The following CSMD3 variants were observed in gnomAD, a reference collection of about 807,000 sequenced individuals.
CSMD3 encodes the protein CUB and Sushi multiple domains 3, also known as CUB and sushi domain-containing protein 3.
A neutral mutation model predicts 435.2 loss-of-function variants in CSMD3; 177 were observed. The ratio of observed to expected loss-of-function variants is 0.41; its 90% CI spans 0.36 to 0.46. The LOEUF is 0.46. Among genes scored for constraint, CSMD3 ranks in the 20% least tolerant of loss-of-function variants. The pLI is 0.34. For synonymous variants in CSMD3, 1,656 were observed against 1,520.5 expected, an observed-to-expected ratio of 1.09 and a Z score of -2.07; for missense variants, 4,265 against 4,504.6, an observed-to-expected ratio of 0.95 and a Z score of 1.52.
chr8:113,280,671 C>A (rs774516167), intron 2 of CSMD3, among the ~76,000 whole-genome samples: 11 of 151,766 alleles, frequency 7.2e-5, no homozygotes, highest in Non-Finnish European at 1.2e-4. Context: ...CTGCTCTGAT[C>A]TTGGTTATTT....
chr8:113,317,267 C>T (rs1231051295), intron 1 of CSMD3, among the ~76,000 whole-genome samples: 1 of 152,118 alleles, frequency 6.6e-6, no homozygotes, highest in African/African-American at 2.4e-5. Flanking sequence ...TTAGCTATCA[C>T]CCATTTCTAT....
In CSMD3 at chr8:112,765,008, T is replaced by C. The variant is rs190913229; in HGVS notation, c.1972+35154A>G. ...AGAAACAAAATATTTCTGGTGCACA[T>C]AGTGAATGAGAGGTAAGAGGAAAAA... On this transcript the variant is annotated intron_variant, in intron 13 of 70. Transcript: ENST00000297405. 2.0e-5 allele frequency among the ~76,000 whole-genome samples: 3 copies of C among 151,370 alleles called. No individual in the cohort carries two copies. In the East Asian group the frequency reaches 5.8e-4, roughly 29 times the overall value.
intron 3 of CSMD3, among the ~76,000 whole-genome samples, chr8:113,179,873 T>TA (rs1220095635): frequency 2.6e-5 from 4 of 151,532 alleles, no homozygotes; most frequent in Non-Finnish European, 4.4e-5. Flanking sequence ...TCTCATTCTT[T>TA]AAAAAAAATA....
intron 5 of CSMD3, among the ~76,000 whole-genome samples, chr8:113,024,149 A>G (rs1216710491): frequency 6.6e-6 from 1 of 152,104 alleles, no homozygotes; most frequent in Non-Finnish European, 1.5e-5. Flanking sequence ...TAGATTCTGA[A>G]TATGGGTGAG....
At chr8:113,242,451 ATTG>A (rs897292552) in intron 3 of CSMD3, among the ~76,000 whole-genome samples, 115 of 152,078 alleles carry the variant, frequency 7.6e-4, no homozygotes, top group Admixed American at 3.7e-3. Context: ...ATAGACTAAA[ATTG>A]TTGTGGGCAG....
At chr8:112,407,055 T>G (rs1293189583) in intron 34 of CSMD3, among the ~76,000 whole-genome samples, 1 of 151,676 alleles carries the variant, frequency 6.6e-6, no homozygotes, top group Admixed American at 6.6e-5. Flanking sequence ...AAACTGAAAG[T>G]TTTTTTTCTT....
chr8:112,726,575 G>T (rs2076969226), intron 13 of CSMD3, among the ~76,000 whole-genome samples: 1 of 151,826 alleles, frequency 6.6e-6, no homozygotes, highest in Non-Finnish European at 1.5e-5. Context: ...AGTGTTAGGT[G>T]CATAGTATAC....
At chr8:112,651,816 G>A (rs1244161949) in intron 18 of CSMD3, among the ~76,000 whole-genome samples, 3 of 151,978 alleles carry the variant, frequency 2.0e-5, no homozygotes, top group Admixed American at 6.6e-5. Context: ...GATTACAGGC[G>A]TGAGTCACTG....
intron 3 of CSMD3, among the ~76,000 whole-genome samples, chr8:113,276,865 T>A (rs2093575178): frequency 6.6e-6 from 1 of 151,990 alleles, no homozygotes; most frequent in Non-Finnish European, 1.5e-5. Flanking sequence ...CAAACATACA[T>A]TTAAATGTCA....
chr8:113,105,968 A>G (rs930585258), intron 4 of CSMD3, among the ~76,000 whole-genome samples: 1 of 152,138 alleles, frequency 6.6e-6, no homozygotes, highest in Non-Finnish European at 1.5e-5. Flanking sequence ...ACCAAAACAT[A>G]TGGAGATGAT....
At chr8:113,041,454 G>T (rs1432545097) in intron 5 of CSMD3, among the ~76,000 whole-genome samples, 1 of 151,926 alleles carries the variant, frequency 6.6e-6, no homozygotes, top group Non-Finnish European at 1.5e-5. Context: ...TCCCTACCTT[G>T]TCCTTGCTAA....
At chr8:113,167,762 C>T (rs538330667) in intron 4 of CSMD3, among the ~76,000 whole-genome samples, 1 of 152,262 alleles carries the variant, frequency 6.6e-6, no homozygotes, top group East Asian at 1.9e-4. Flanking sequence ...CCAAACAATT[C>T]ATGCTTAACT....
chr8:113,265,204 A>G lies in CSMD3; in HGVS notation c.514+13388T>C, dbSNP rs74514553. ...AGAGAGAAAGAGCATTCAAAAATCT[A>G]TGATTTTTTGAAGGTAACCAAGGCC... On this transcript the variant is annotated intron_variant, in intron 3 of 70. Coordinates refer to ENST00000297405, the MANE Select transcript of CSMD3 (RefSeq NM_198123.2). Among the ~76,000 whole-genome samples the G allele has an allele frequency of 5.2e-3, 787 of 151,612 alleles. 11 individuals carry two copies. The highest frequency in any genetic ancestry group is 0.018 in the African/African-American group (762 of 41,482).
chr8:113,342,329 A>G (rs1309779518), intron 1 of CSMD3, among the ~76,000 whole-genome samples: 1 of 152,188 alleles, frequency 6.6e-6, no homozygotes, highest in African/African-American at 2.4e-5. Context: ...TGCGCTTTCA[A>G]AAGTATAGAA....
At chr8:112,754,048 G>C (rs1381911053) in intron 13 of CSMD3, among the ~76,000 whole-genome samples, 1 of 152,224 alleles carries the variant, frequency 6.6e-6, no homozygotes, top group Non-Finnish European at 1.5e-5. Context: ...TGCACATGCA[G>C]AAAGCACAGC....
chr8:113,174,721 G>A (rs890125481), intron 3 of CSMD3, among the ~76,000 whole-genome samples: 3 of 151,704 alleles, frequency 2.0e-5, no homozygotes, highest in Admixed American at 6.6e-5. Context: ...AAAAATATTA[G>A]AGGTTATTTG....
intron 3 of CSMD3, among the ~76,000 whole-genome samples, chr8:113,273,511 AC>A (rs2093546394): frequency 6.6e-6 from 1 of 152,040 alleles, no homozygotes; most frequent in Non-Finnish European, 1.5e-5. Context: ...GTTCTGCCCC[AC>A]CCATCCCTTT....
chr8:112,266,734 T>C (rs898204797), intron 59 of CSMD3, among the ~76,000 whole-genome samples: 1 of 152,208 alleles, frequency 6.6e-6, no homozygotes, highest in East Asian at 1.9e-4. Flanking sequence ...TAAAAATGTA[T>C]TTTGATTAAA....
chr8:112,852,662 T>A (rs1323560129), intron 11 of CSMD3, among the ~76,000 whole-genome samples: 1 of 151,750 alleles, frequency 6.6e-6, no homozygotes, highest in Non-Finnish European at 1.5e-5. Flanking sequence ...GTAGCTCACG[T>A]CTATAATCCC....
Sources: gnomAD v4.1 joint callset for allele counts (sites outside exome capture counted in the v4.1 genomes callset) on GRCh38, gnomAD v4.1.1 for gene constraint, MANE v1.5 for transcripts, NCBI Gene and HGNC (gene_info 2026-07-23, HGNC 2026-07-21) for gene names.